The following CADM2 variants were observed in gnomAD, a reference collection of about 807,000 sequenced individuals.
The protein encoded by CADM2 is immunoglobulin superfamily member 4D.
In CADM2, 12 loss-of-function variants were observed where a neutral mutation model predicts 49.8. The observed-to-expected ratio is 0.24, with a 90% CI of 0.15 to 0.39. The LOEUF (loss-of-function observed/expected upper bound fraction) is 0.39. Ranked by LOEUF, CADM2 falls within the 10% of genes least tolerant of loss-of-function variation. The pLI, the probability that CADM2 is intolerant of heterozygous loss-of-function variation, is 1.00. For missense variants in CADM2, 378 were observed against 492.3 expected, an observed-to-expected ratio of 0.77 and a Z score of 2.20; for synonymous variants, 214 against 175.4, an observed-to-expected ratio of 1.22 and a Z score of -1.74.
chr3:85,435,994 T>C (rs1162582586), intron 1 of CADM2, among the ~76,000 whole-genome samples: 1 of 152,148 alleles, frequency 6.6e-6, no homozygotes, highest in Non-Finnish European at 1.5e-5. Flanking sequence ...CTGATGATAG[T>C]TTCTTTTGCT....
chr3:85,476,704 T>C (rs1156923167), intron 1 of CADM2, among the ~76,000 whole-genome samples: 1 of 151,908 alleles, frequency 6.6e-6, no homozygotes. Context: ...AGTAAACTAT[T>C]ATTTTTAACG....
chr3:85,127,900 A>G (rs575914006), intron 1 of CADM2, among the ~76,000 whole-genome samples: 9 of 152,266 alleles, frequency 5.9e-5, no homozygotes, highest in African/African-American at 2.2e-4. Context: ...CGTTTGCCCC[A>G]AACAATACAG....
intron 1 of CADM2, among the ~76,000 whole-genome samples, chr3:85,035,190 C>T (rs573748237): frequency 1.3e-5 from 2 of 152,100 alleles, no homozygotes; most frequent in Non-Finnish European, 2.9e-5. Context: ...AGCACCTTTT[C>T]GTCTACCTGT....
At chr3:85,765,509 C>G (rs535517392) in intron 2 of CADM2, among the ~76,000 whole-genome samples, 2 of 152,050 alleles carry the variant, frequency 1.3e-5, no homozygotes, top group African/African-American at 4.8e-5. Flanking sequence ...ATCTTCTTTC[C>G]CAGTGTTTTA....
At chr3:85,484,467 T>C (rs1335078139) in intron 1 of CADM2, among the ~76,000 whole-genome samples, 1 of 151,978 alleles carries the variant, frequency 6.6e-6, no homozygotes, top group Non-Finnish European at 1.5e-5. Flanking sequence ...TTTCCTCAAA[T>C]GAATCTATAC....
intron 8 of CADM2, among the ~76,000 whole-genome samples, chr3:86,033,127 C>T (rs1250881448): frequency 6.6e-6 from 1 of 151,884 alleles, no homozygotes; most frequent in Non-Finnish European, 1.5e-5. Context: ...TGTACAAACA[C>T]GATCATCTTC....
chr3:85,886,943 G>T (rs967081006), intron 5 of CADM2, among the ~76,000 whole-genome samples: 2 of 151,836 alleles, frequency 1.3e-5, no homozygotes, highest in African/African-American at 4.8e-5. Flanking sequence ...GAGATGGCTT[G>T]GTATTTAAGT....
At chr3:85,889,729 G>A (rs551963571) in intron 5 of CADM2, among the ~76,000 whole-genome samples, 1 of 152,092 alleles carries the variant, frequency 6.6e-6, no homozygotes, top group African/African-American at 2.4e-5. Context: ...ATTGTAATTT[G>A]TATTTTCAGG....
At chr3:85,084,848 T>C (rs1250894089) in intron 1 of CADM2, among the ~76,000 whole-genome samples, 1 of 152,094 alleles carries the variant, frequency 6.6e-6, no homozygotes, top group African/African-American at 2.4e-5. Flanking sequence ...TTTTTTCTTT[T>C]TTAAGTATAA....
chr3:85,059,154 G>C (rs530369227), intron 1 of CADM2, among the ~76,000 whole-genome samples: 1 of 151,918 alleles, frequency 6.6e-6, no homozygotes, highest in South Asian at 2.1e-4. Context: ...CAGGAGAATG[G>C]CGTGAACCCG....
intron 1 of CADM2, among the ~76,000 whole-genome samples, chr3:85,466,206 A>G (rs746898814): frequency 6.6e-6 from 1 of 152,132 alleles, no homozygotes; most frequent in Non-Finnish European, 1.5e-5. Flanking sequence ...AATCTCATCT[A>G]TTATTTAGTT....
At chr3:85,461,777 C>A (rs552450957) in intron 1 of CADM2, among the ~76,000 whole-genome samples, 123 of 152,250 alleles carry the variant, frequency 8.1e-4, no homozygotes, top group African/African-American at 2.8e-3. Context: ...GAAAGAAAGA[C>A]AGAAAAACTA....
At chr3:85,654,972 G>T (rs562383275) in intron 1 of CADM2, among the ~76,000 whole-genome samples, 2 of 152,190 alleles carry the variant, frequency 1.3e-5, no homozygotes, top group African/African-American at 2.4e-5. Flanking sequence ...TTTTATTGTT[G>T]AAAAAATTGG....
intron 1 of CADM2, among the ~76,000 whole-genome samples, chr3:84,980,699 G>C (rs2032122872): frequency 6.6e-6 from 1 of 152,140 alleles, no homozygotes; most frequent in Non-Finnish European, 1.5e-5. Context: ...TTTGCTGCGT[G>C]ACTTTAAATA....
intron 2 of CADM2, among the ~76,000 whole-genome samples, chr3:85,737,310 T>A (rs1295766836): frequency 2.0e-5 from 3 of 152,144 alleles, no homozygotes; most frequent in African/African-American, 7.2e-5. Flanking sequence ...ATAAACAATT[T>A]AGGTGGGAGG....
chr3:85,491,033 A>G (rs772285677), intron 1 of CADM2, among the ~76,000 whole-genome samples: 18 of 152,346 alleles, frequency 1.2e-4, no homozygotes, highest in Admixed American at 2.6e-4. Flanking sequence ...CAGAACACTT[A>G]GATTATCATT....
chr3:85,509,041 G>C (rs903154388), intron 1 of CADM2, among the ~76,000 whole-genome samples: 7 of 152,048 alleles, frequency 4.6e-5, no homozygotes, highest in African/African-American at 1.7e-4. Flanking sequence ...TGTTGCTTTT[G>C]AAAGAAAGAA....
intron 2 of CADM2, among the ~76,000 whole-genome samples, chr3:85,736,304 T>G (rs994530937): frequency 2.0e-5 from 3 of 152,202 alleles, no homozygotes; most frequent in South Asian, 2.1e-4. Flanking sequence ...ATATATAAAT[T>G]AATCATATAA....
At chr3:85,335,454 G>A (rs912198985) in intron 1 of CADM2, among the ~76,000 whole-genome samples, 4 of 151,048 alleles carry the variant, frequency 2.6e-5, no homozygotes, top group Admixed American at 6.6e-5. Flanking sequence ...CTTAATAATT[G>A]TACATATTTA....
Sources: allele counts gnomAD v4.1 joint callset (sites outside exome capture counted in the v4.1 genomes callset), GRCh38; gene constraint gnomAD v4.1.1; transcripts MANE v1.5; gene names NCBI Gene and HGNC (gene_info 2026-07-23, HGNC 2026-07-21).